Variants in TMTC3 observed in about 807,000 individuals in gnomAD.
The protein encoded by TMTC3 is transmembrane O-mannosyltransferase targeting cadherins 3.
Under a neutral mutation model 92.2 loss-of-function variants are expected in TMTC3, and 52 were observed. The observed-to-expected ratio is 0.56, with a 90% CI of 0.45 to 0.71. TMTC3 has a LOEUF of 0.71. Ranked by LOEUF, TMTC3 falls within the 30% of genes least tolerant of loss-of-function variation. The probability of loss-of-function intolerance (pLI) is 0.00; values close to 1 mark genes in which losing one functional copy is unlikely to be tolerated. For synonymous variants in TMTC3, 339 were observed against 363.3 expected (o/e 0.93, Z 0.76); for missense variants, 896 against 1,057.1 (o/e 0.85, Z 2.11).
chr12:88,160,033 A>T, intron 4 of TMTC3, 81 bp from the exon 5 acceptor site: 1 of 884,750 alleles, frequency 1.1e-6, no homozygotes, highest in Non-Finnish European at 1.8e-6. Context: ...ATGGATATGG[A>T]ATCACAAAGT....
intron 7 of TMTC3, among the ~76,000 whole-genome samples, chr12:88,169,367 A>G (rs1387318718): frequency 6.6e-6 from 1 of 152,144 alleles, no homozygotes; most frequent in Non-Finnish European, 1.5e-5. Context: ...GAGGTAGGGG[A>G]ATTAAGGTTT....
At chr12:88,186,212 A>G (rs1228646487) in intron 10 of TMTC3, among the ~76,000 whole-genome samples, 2 of 152,164 alleles carry the variant, frequency 1.3e-5, no homozygotes, top group East Asian at 1.9e-4. Flanking sequence ...GACTGAGATC[A>G]TATGTGAACC....
At chr12:88,180,168 ACT>A (rs59275281) in intron 10 of TMTC3, among the ~76,000 whole-genome samples, 10,539 of 152,172 alleles carry the variant, frequency 0.069, 1,232 homozygotes, top group African/African-American at 0.24. Flanking sequence ...AGCAGTTAAC[ACT>A]CGTATTCCGG....
chr12:88,153,255 G>A (rs775805515), intron 2 of TMTC3, 36 bp from the exon 3 acceptor site: 8 of 1,490,946 alleles, frequency 5.4e-6, no homozygotes, highest in South Asian at 2.4e-5. Context: ...TTGGACCAAG[G>A]TACTTTAATA....
chr12:88,173,150 C>T, intron 8 of TMTC3: 1 of 1,118,876 alleles, frequency 8.9e-7, no homozygotes, highest in South Asian at 1.6e-5. Context: ...TAATTTCTTG[C>T]TATCATCACT....
chr12:88,145,641 A>G (rs1165239633), intron 1 of TMTC3, among the ~76,000 whole-genome samples: 1 of 152,224 alleles, frequency 6.6e-6, no homozygotes, highest in Non-Finnish European at 1.5e-5. Flanking sequence ...GAAGAGAAAA[A>G]GGGTAGATAT....
chr12:88,188,845 G>A lies in TMTC3; in HGVS notation c.1435G>A (p.Asp479Asn). The change falls in exon 11 of 14, where the codon GAT (aspartate) becomes AAT (asparagine). Residue 479 changes from aspartate (D) to asparagine (N), a missense_variant and splice_region_variant. Physicochemically the swap from Asp to Asn is conservative, Grantham distance 23. Coordinates refer to ENST00000266712, the MANE Select transcript of TMTC3 (RefSeq NM_181783.4). ...FLQATHVQPDDIGAHMNVGRT... is the reference protein window; with the variant it reads ...FLQATHVQPDNIGAHMNVGRT... Reference sequence around the variant, plus strand: ...AAATGATTGTTTTAAAATTTTAGATGATATTGGTGCCCATATGAATGTAGG... The same window carrying A: ...AAATGATTGTTTTAAAATTTTAGATAATATTGGTGCCCATATGAATGTAGG... 1 of 1,521,052 alleles carries A rather than the reference G, an allele frequency of 6.6e-7. No individual in the cohort carries two copies. The highest frequency in any genetic ancestry group is 9.0e-7 in the Non-Finnish European group (1 of 1,113,586). The allele number at this position is 1,521,052 out of a possible 1,614,324, so 94.2% of individuals were successfully genotyped here.
chr12:88,181,099 A>G (rs1362050067), intron 10 of TMTC3, among the ~76,000 whole-genome samples: 2 of 152,164 alleles, frequency 1.3e-5, no homozygotes, highest in African/African-American at 2.4e-5. Flanking sequence ...ACGTGTGACA[A>G]AATTGTTGAC....
At chr12:88,182,982 C>A (rs1017421043) in intron 10 of TMTC3, among the ~76,000 whole-genome samples, 10 of 152,124 alleles carry the variant, frequency 6.6e-5, no homozygotes, top group Non-Finnish European at 4.4e-5. Context: ...GTTGAAGGGG[C>A]CCTATAGGTT....
In TMTC3 at chr12:88,198,215, T is replaced by C. The variant is rs993543363; in HGVS notation, c.*2566T>C. The C allele has an allele frequency of 9.1e-5, 36 of 396,208 alleles. No individual in the cohort carries two copies. The highest frequency in any genetic ancestry group is 1.8e-4 in the East Asian group (5 of 28,040). The allele number at this position is 396,208 out of a possible 1,614,324, so 24.5% of individuals were successfully genotyped here. Reference sequence around the variant, plus strand: ...AAAACATAATGGATTTTTTTTTTTTTCCTCTGGAGCTGCCTGTTCAGTGAG... The same window carrying C: ...AAAACATAATGGATTTTTTTTTTTTCCCTCTGGAGCTGCCTGTTCAGTGAG... On this transcript the variant is annotated 3_prime_UTR_variant, in exon 14 of 14. Coordinates refer to ENST00000266712, the MANE Select transcript of TMTC3 (RefSeq NM_181783.4).
chr12:88,163,653 T>G (rs776284812), intron 6 of TMTC3, among the ~76,000 whole-genome samples: 2 of 143,692 alleles, frequency 1.4e-5, no homozygotes, highest in Non-Finnish European at 3.1e-5. Flanking sequence ...CTCCATCACT[T>G]CAATCTACTT....
chr12:88,154,225 A>G, intron 3 of TMTC3, 63 bp from the exon 4 acceptor site: 1 of 1,132,206 alleles, frequency 8.8e-7, no homozygotes. Flanking sequence ...TTTTACCATT[A>G]TATATAGTAA....
At chr12:88,144,266 AGTT>A (rs764040098) in intron 1 of TMTC3, among the ~76,000 whole-genome samples, 1 of 152,084 alleles carries the variant, frequency 6.6e-6, no homozygotes, top group East Asian at 1.9e-4. Context: ...TTCAAGATGG[AGTT>A]GTTGTGATTC....
At chr12:88,157,841 A>G (rs1470979177) in intron 4 of TMTC3, among the ~76,000 whole-genome samples, 1 of 152,154 alleles carries the variant, frequency 6.6e-6, no homozygotes, top group East Asian at 1.9e-4. Context: ...AAGTGTTTAT[A>G]TAGTAATATA....
intron 6 of TMTC3, among the ~76,000 whole-genome samples, chr12:88,162,737 A>G (rs1379073298): frequency 6.6e-6 from 1 of 152,138 alleles, no homozygotes; most frequent in Non-Finnish European, 1.5e-5. Flanking sequence ...TTTTTATTGA[A>G]TAAATTTTCT....
intron 5 of TMTC3, among the ~76,000 whole-genome samples, 196 bp from the exon 6 acceptor site, chr12:88,160,483 A>G (rs747822927): frequency 8.5e-5 from 13 of 152,204 alleles, no homozygotes; most frequent in Non-Finnish European, 1.3e-4. Flanking sequence ...AAAGTATGCA[A>G]TAGTACTGTA....
chr12:88,176,456 C>A (rs1475993090), intron 10 of TMTC3, 137 bp downstream of exon 10: 5 of 609,182 alleles, frequency 8.2e-6, no homozygotes, highest in South Asian at 4.4e-5. Flanking sequence ...TTATTTTGAA[C>A]TGGATTACAT....
At chr12:88,188,757 A>C in intron 10 of TMTC3, 86 bp from the exon 11 acceptor site, 1 of 657,294 alleles carries the variant, frequency 1.5e-6, no homozygotes, top group Admixed American at 3.1e-5. Context: ...ACTTGTTTAT[A>C]TATCAAATAC....
intron 11 of TMTC3, among the ~76,000 whole-genome samples, 164 bp from the exon 12 acceptor site, chr12:88,190,289 G>A (rs2041427976): frequency 6.6e-6 from 1 of 152,052 alleles, no homozygotes; most frequent in Admixed American, 6.6e-5. Context: ...TAGAAGTCAA[G>A]GTATCTTAGG....
Sources: allele counts gnomAD v4.1 joint callset (sites outside exome capture counted in the v4.1 genomes callset), GRCh38; gene constraint gnomAD v4.1.1; transcripts MANE v1.5; gene names NCBI Gene and HGNC (gene_info 2026-07-23, HGNC 2026-07-21).